Variants in ENTREP2 observed in about 807,000 individuals in gnomAD.
The protein encoded by ENTREP2 is protein ENTREP2.
At chr15:29,327,504 A>G in the ENTREP2 span, among the ~76,000 whole-genome samples, 999 of 151,864 alleles carry the variant, frequency 6.6e-3, 9 homozygotes, top group African/African-American at 0.023. Flanking sequence ...CTGAGGCAGG[A>G]GAATGGCGTG....
the ENTREP2 span, among the ~76,000 whole-genome samples, chr15:29,199,777 T>G: frequency 6.6e-6 from 1 of 152,210 alleles, no homozygotes; most frequent in Non-Finnish European, 1.5e-5. Context: ...GCTCCTACAC[T>G]TTTGGTGTTG....
At chr15:29,553,512 T>C in the ENTREP2 span, among the ~76,000 whole-genome samples, 1 of 152,208 alleles carries the variant, frequency 6.6e-6, no homozygotes, top group South Asian at 2.1e-4. Context: ...GTGACCCTTG[T>C]CTTCCTCCCA....
At chr15:29,494,566 T>C in the ENTREP2 span, among the ~76,000 whole-genome samples, 4 of 152,226 alleles carry the variant, frequency 2.6e-5, no homozygotes, top group Non-Finnish European at 5.9e-5. Flanking sequence ...ATTTCAAGTA[T>C]ACAAAACATT....
chr15:29,491,604 C>T, the ENTREP2 span, among the ~76,000 whole-genome samples: 1 of 152,166 alleles, frequency 6.6e-6, no homozygotes, highest in Non-Finnish European at 1.5e-5. Context: ...AAGTAAATCT[C>T]AGGAAGTTTC....
chr15:29,207,087 G>A, the ENTREP2 span, among the ~76,000 whole-genome samples: 2 of 152,122 alleles, frequency 1.3e-5, no homozygotes, highest in African/African-American at 2.4e-5. Context: ...AGTGCCCTCA[G>A]CCAGCCCCTC....
At chr15:29,459,523 T>A in the ENTREP2 span, among the ~76,000 whole-genome samples, 26 of 152,312 alleles carry the variant, frequency 1.7e-4, no homozygotes, top group African/African-American at 5.8e-4. Flanking sequence ...AGTAGTTTAA[T>A]CAAACTAGGA....
the ENTREP2 span, among the ~76,000 whole-genome samples, chr15:29,656,667 G>C: frequency 1.3e-5 from 2 of 152,158 alleles, no homozygotes; most frequent in African/African-American, 4.8e-5. Context: ...CAGTACACAC[G>C]TATTAAAATG....
chr15:29,245,237 G>C, the ENTREP2 span, among the ~76,000 whole-genome samples: 1 of 151,844 alleles, frequency 6.6e-6, no homozygotes. Flanking sequence ...ACAATACCTA[G>C]GACTAAATTT....
chr15:29,365,660 T>C, the ENTREP2 span, among the ~76,000 whole-genome samples: 1 of 151,484 alleles, frequency 6.6e-6, no homozygotes, highest in South Asian at 2.1e-4. Flanking sequence ...TTCCAAAAAT[T>C]ATAAAAAAAA....
the ENTREP2 span, among the ~76,000 whole-genome samples, chr15:29,561,979 G>GCTGA: frequency 6.6e-6 from 1 of 152,190 alleles, no homozygotes; most frequent in Non-Finnish European, 1.5e-5. Context: ...GGTGAGAAGG[G>GCTGA]CTGACATCAA....
the ENTREP2 span, among the ~76,000 whole-genome samples, chr15:29,343,290 C>T: frequency 6.6e-6 from 1 of 152,122 alleles, no homozygotes; most frequent in African/African-American, 2.4e-5. Context: ...TTCATATCTA[C>T]AATAAATAGA....
chr15:29,359,606 T>C, the ENTREP2 span, among the ~76,000 whole-genome samples: 1 of 151,838 alleles, frequency 6.6e-6, no homozygotes, highest in African/African-American at 2.4e-5. Context: ...AGAGGCGGGG[T>C]TTCACCCTGT....
At chr15:29,389,420 C>T in the ENTREP2 span, among the ~76,000 whole-genome samples, 1 of 151,994 alleles carries the variant, frequency 6.6e-6, no homozygotes, top group African/African-American at 2.4e-5. Context: ...CCTCCCCACA[C>T]CCCTCCCCAA....
chr15:29,219,476 T>C, the ENTREP2 span, among the ~76,000 whole-genome samples: 2 of 151,388 alleles, frequency 1.3e-5, 1 homozygote. Flanking sequence ...TGGTTATCTA[T>C]GCAGAGGAAA....
At chr15:29,154,484 G>A in the ENTREP2 span, among the ~76,000 whole-genome samples, 1 of 152,112 alleles carries the variant, frequency 6.6e-6, no homozygotes, top group African/African-American at 2.4e-5. Flanking sequence ...TAGAATGATA[G>A]TATGTCCTTC....
At chr15:29,653,823 TG>T in the ENTREP2 span, among the ~76,000 whole-genome samples, 1 of 152,226 alleles carries the variant, frequency 6.6e-6, no homozygotes, top group Non-Finnish European at 1.5e-5. Flanking sequence ...TTAATACACG[TG>T]GTCCAGAGAG....
the ENTREP2 span, among the ~76,000 whole-genome samples, chr15:29,480,865 A>AG: frequency 6.6e-6 from 1 of 152,088 alleles, no homozygotes; most frequent in Non-Finnish European, 1.5e-5. Context: ...GGCAATGTGG[A>AG]GGCGAGACAA....
chr15:29,265,615 G>A, the ENTREP2 span: 4 of 152,214 alleles, frequency 2.6e-5, no homozygotes, highest in African/African-American at 4.8e-5. Context: ...CTCCAGCCTG[G>A]GCGACAAGAG....
chr15:29,525,347 A>G, the ENTREP2 span, among the ~76,000 whole-genome samples: 1 of 152,264 alleles, frequency 6.6e-6, no homozygotes, highest in Admixed American at 6.5e-5. Context: ...CCATCATGCG[A>G]TGCATGGATA....
Sources: gnomAD v4.1 joint callset for allele counts (sites outside exome capture counted in the v4.1 genomes callset) on GRCh38, gnomAD v4.1.1 for gene constraint, MANE v1.5 for transcripts, NCBI Gene and HGNC (gene_info 2026-07-23, HGNC 2026-07-21) for gene names.